Variants in KCNMA1 observed in about 807,000 individuals in gnomAD.
KCNMA1 encodes potassium calcium-activated channel subfamily M alpha 1.
A neutral mutation model predicts 140.0 loss-of-function variants in KCNMA1; 29 were observed. The ratio of observed to expected loss-of-function variants is 0.21; its 90% confidence interval spans 0.15 to 0.28. The LOEUF is 0.28. Ranked by LOEUF, KCNMA1 falls within the 10% of genes least tolerant of loss-of-function variation. The pLI is 1.00. For synonymous variants in KCNMA1, 612 were observed against 611.9 expected, an observed-to-expected ratio of 1.00 and a Z score of 0.00; for missense variants, 880 against 1,602.2, an observed-to-expected ratio of 0.55 and a Z score of 7.70.
chr10:77,353,417 A>T (rs2093123518), intron 2 of KCNMA1, among the ~76,000 whole-genome samples: 1 of 152,068 alleles, frequency 6.6e-6, no homozygotes, highest in Non-Finnish European at 1.5e-5. Flanking sequence ...TAAACAGTTC[A>T]ATCAACATAA....
intron 1 of KCNMA1, among the ~76,000 whole-genome samples, chr10:77,562,337 T>C (rs1384788014): frequency 6.6e-6 from 1 of 152,210 alleles, no homozygotes; most frequent in Non-Finnish European, 1.5e-5. Flanking sequence ...TCCACACCCA[T>C]TGAAGGCGGC....
chr10:77,523,210 C>CCCT (rs1048978672), intron 1 of KCNMA1, among the ~76,000 whole-genome samples: 1 of 150,174 alleles, frequency 6.7e-6, no homozygotes. Flanking sequence ...CGTGCCCCCC[C>CCCT]CCCTTGCAAT....
intron 2 of KCNMA1, among the ~76,000 whole-genome samples, chr10:77,320,012 A>G (rs1445930460): frequency 6.6e-6 from 1 of 152,248 alleles, no homozygotes; most frequent in Non-Finnish European, 1.5e-5. Flanking sequence ...TCTGACCTAC[A>G]GTCAGACTTT....
rs778939701 is a variant in KCNMA1 at position 77,389,299 on chromosome 10, A to G, written c.540+14563T>C. Reference sequence around the variant, plus strand: ...AGAAATAAAAAATGACTTTGGCCACAGTAATGTTTCCTCGATCCTCAGCCC... The same window carrying G: ...AGAAATAAAAAATGACTTTGGCCACGGTAATGTTTCCTCGATCCTCAGCCC... On this transcript the variant is annotated intron_variant, in intron 2 of 27. Transcript: ENST00000286628. 1.5e-3 allele frequency among the ~76,000 whole-genome samples: 227 copies of G among 152,292 alleles called. No homozygotes were observed. The Middle Eastern group carries it at 0.02, about 14-fold the overall frequency.
intron 18 of KCNMA1, among the ~76,000 whole-genome samples, chr10:77,006,850 T>C (rs1291850954): frequency 1.3e-5 from 2 of 152,198 alleles, no homozygotes; most frequent in Non-Finnish European, 2.9e-5. Flanking sequence ...AAGGGTTCTG[T>C]CGATGAAGAA....
At chr10:77,423,076 C>T (rs1259656478) in intron 1 of KCNMA1, among the ~76,000 whole-genome samples, 1 of 152,198 alleles carries the variant, frequency 6.6e-6, no homozygotes, top group Non-Finnish European at 1.5e-5. Flanking sequence ...CTGTCTGTTC[C>T]CTTTGTCATC....
At chr10:77,285,410 A>C (rs776603992) in intron 2 of KCNMA1, among the ~76,000 whole-genome samples, 1 of 152,238 alleles carries the variant, frequency 6.6e-6, no homozygotes, top group Non-Finnish European at 1.5e-5. Context: ...AGAATAATAA[A>C]ATCTAACCTT....
chr10:76,872,099 G>A (rs2031461225), exon 28 of KCNMA1: 1 of 152,194 alleles, frequency 6.6e-6, no homozygotes, highest in Non-Finnish European at 1.5e-5. Flanking sequence ...TGGATGTCCT[G>A]CCTCATGTTC....
intron 5 of KCNMA1, among the ~76,000 whole-genome samples, chr10:77,128,487 G>A (rs980698880): frequency 6.7e-6 from 1 of 150,178 alleles, no homozygotes; most frequent in African/African-American, 2.5e-5. Flanking sequence ...AAATCACCTG[G>A]GAAACTTTTA....
At chr10:77,258,956 C>CTTT (rs1285346495) in intron 2 of KCNMA1, among the ~76,000 whole-genome samples, 1 of 146,236 alleles carries the variant, frequency 6.8e-6, no homozygotes, top group Non-Finnish European at 1.5e-5. Flanking sequence ...GAGCGAGACT[C>CTTT]TGTCTCAAAA....
chr10:77,312,695 G>T (rs10824523), intron 2 of KCNMA1, among the ~76,000 whole-genome samples: 1 of 152,022 alleles, frequency 6.6e-6, no homozygotes, highest in Non-Finnish European at 1.5e-5. Flanking sequence ...GGGGAGAAAA[G>T]GGAGTACTCA....
intron 1 of KCNMA1, among the ~76,000 whole-genome samples, chr10:77,629,495 C>T (rs903368014): frequency 2.9e-4 from 44 of 152,294 alleles, no homozygotes; most frequent in African/African-American, 1.0e-3. Context: ...ATATATTTGC[C>T]ACCCCCAACC....
At chr10:76,960,618 G>GTTTTTT (rs55685324) in intron 20 of KCNMA1, among the ~76,000 whole-genome samples, 407 of 58,760 alleles carry the variant, frequency 6.9e-3, no homozygotes, top group Non-Finnish European at 7.7e-3. Flanking sequence ...TTATGGTTTT[G>GTTTTTT]TTTTTTTTTT....
chr10:76,912,072 G>A (rs182100452), intron 24 of KCNMA1: 3 of 152,326 alleles, frequency 2.0e-5, no homozygotes, highest in Admixed American at 2.0e-4. Context: ...CAAGAGACCA[G>A]CCAGGGTCCA....
In KCNMA1 at chr10:77,001,406, C is replaced by T; in HGVS notation, c.2266+1G>A. 7 of 1,551,464 alleles carry T rather than the reference C, an allele frequency of 4.5e-6. No individual in the cohort carries two copies. The highest frequency in any genetic ancestry group is 4.4e-6 in the Non-Finnish European group (5 of 1,146,776). On this transcript the variant is annotated splice_donor_variant, in intron 19 of 27. Coordinates refer to ENST00000286628, the MANE Select transcript of KCNMA1 (RefSeq NM_001161352.2). LOFTEE classifies it high-confidence loss of function. ...ACTACGTGTGTTGAGGTTAAACTTACAGGCACGGAAACTGGTGGAGCAATC... is the reference window on the plus strand; with the variant it reads ...ACTACGTGTGTTGAGGTTAAACTTATAGGCACGGAAACTGGTGGAGCAATC...
At chr10:77,032,860 C>T (rs1286631210) in intron 15 of KCNMA1, among the ~76,000 whole-genome samples, 3 of 152,062 alleles carry the variant, frequency 2.0e-5, no homozygotes, top group Admixed American at 6.5e-5. Flanking sequence ...ATACATTGTT[C>T]CTGCCATTAA....
chr10:77,468,850 T>C (rs1437591019), intron 1 of KCNMA1, among the ~76,000 whole-genome samples: 1 of 152,178 alleles, frequency 6.6e-6, no homozygotes, highest in East Asian at 1.9e-4. Flanking sequence ...CAGCACTCAG[T>C]AGGTGTCCAG....
chr10:77,211,774 A>C (rs941563559), intron 3 of KCNMA1, among the ~76,000 whole-genome samples: 6 of 152,172 alleles, frequency 3.9e-5, no homozygotes, highest in African/African-American at 1.4e-4. Flanking sequence ...AATCCCACTA[A>C]AAAATGGACA....
intron 14 of KCNMA1, among the ~76,000 whole-genome samples, chr10:77,067,927 A>C (rs980340988): frequency 3.9e-5 from 6 of 152,194 alleles, no homozygotes; most frequent in African/African-American, 1.4e-4. Flanking sequence ...GGGCATCTCT[A>C]TTGCATCAAT....
Sources: allele counts gnomAD v4.1 joint callset (sites outside exome capture counted in the v4.1 genomes callset), GRCh38; gene constraint gnomAD v4.1.1; transcripts MANE v1.5; gene names NCBI Gene and HGNC (gene_info 2026-07-23, HGNC 2026-07-21).